Variants in SEC14L1 observed in about 807,000 individuals in gnomAD.
SEC14L1 encodes SEC14-like protein 1.
Under a neutral mutation model 85.3 loss-of-function variants are expected in SEC14L1, and 48 were observed. The ratio of observed to expected loss-of-function variants is 0.56; its 90% confidence interval spans 0.45 to 0.72. SEC14L1 has a LOEUF of 0.72. Ranked by LOEUF, SEC14L1 falls within the 30% of genes least tolerant of loss-of-function variation. The probability of loss-of-function intolerance (pLI) is 0.00; values close to 1 mark genes in which losing one functional copy is unlikely to be tolerated. For missense variants in SEC14L1, 682 were observed against 921.4 expected, an observed-to-expected ratio of 0.74 and a Z score of 3.36; for synonymous variants, 391 against 355.5, an observed-to-expected ratio of 1.10 and a Z score of -1.12.
chr17:77,094,760 C>A (rs1971600224), intron 3 of SEC14L1: 1 of 152,312 alleles, frequency 6.6e-6, no homozygotes, highest in South Asian at 2.1e-4. Flanking sequence ...GCCACTGCGC[C>A]CAGCCAGGCT....
intron 3 of SEC14L1, among the ~76,000 whole-genome samples, chr17:77,123,250 C>T (rs982857151): frequency 6.6e-5 from 10 of 151,476 alleles, no homozygotes; most frequent in African/African-American, 2.2e-4. Flanking sequence ...GGGGATTCAC[C>T]ATGTTGGCCA....
chr17:77,101,383 G>A (rs917626622), intron 3 of SEC14L1, among the ~76,000 whole-genome samples: 2 of 151,994 alleles, frequency 1.3e-5, no homozygotes, highest in African/African-American at 4.8e-5. Flanking sequence ...TCACCATGTT[G>A]GCCAGGCTGG....
intron 3 of SEC14L1, among the ~76,000 whole-genome samples, chr17:77,181,696 G>A (rs921591370): frequency 6.6e-6 from 1 of 152,162 alleles, no homozygotes; most frequent in Non-Finnish European, 1.5e-5. Context: ...GGTTACAGGC[G>A]TGAGCCACCC....
At position 77,179,978 on chromosome 17, in the gene SEC14L1, A is replaced by G. The variant is rs113414298; in HGVS notation, c.64-10825A>G. 5.7e-3 allele frequency among the ~76,000 whole-genome samples: 841 copies of G among 148,818 alleles called. 5 individuals carry two copies. The highest frequency in any genetic ancestry group is 9.8e-3 in the Non-Finnish European group (654 of 67,036). On this transcript the variant is annotated intron_variant, in intron 3 of 16. Transcript: ENST00000436233. ...AGGCATGAGCCGCCGCGCCTGGCCT[A>G]CGTATTTGTTTTTAGGTTTTTATTT...
chr17:77,117,580 G>T (rs1055436758), intron 3 of SEC14L1, among the ~76,000 whole-genome samples: 28 of 152,176 alleles, frequency 1.8e-4, no homozygotes, highest in Admixed American at 1.6e-3. Flanking sequence ...TCAACTCTTA[G>T]ATGAGAATTT....
rs200634368 is a variant in SEC14L1 at position 77,200,444 on chromosome 17, A to G, written c.820-40A>G. The stretch of plus-strand genomic sequence containing the variant: ...GCAGCCTCCCAAAGTTCCCTTCACA[A>G]CTTTTAACATTGCTTAGAAATGTCT... On this transcript the variant is annotated intron_variant, in intron 8 of 16. Coordinates refer to ENST00000436233, the MANE Select transcript of SEC14L1 (RefSeq NM_001143998.2). 15 of 1,575,928 alleles carry G rather than the reference A, an allele frequency of 9.5e-6. No individual in the cohort carries two copies. The Admixed American group carries it at 1.4e-4, about 14-fold the overall frequency.
At position 77,190,948 on chromosome 17, in the gene SEC14L1, AG is replaced by A; in HGVS notation, c.210del (p.Lys71ArgfsTer16). 6.2e-7 allele frequency: 1 copy of A among 1,614,122 alleles called. No homozygotes were observed. Among genetic ancestry groups the A allele is most frequent in the Non-Finnish European group, 8.5e-7 (1 of 1,180,014 alleles). ...GATGTAGATGCACCCAGACTGCTGAAGAAGGTAAAGGTCGGAAAGGACGTCT... is the reference window on the plus strand; with the variant it reads ...GATGTAGATGCACCCAGACTGCTGAAAAGGTAAAGGTCGGAAAGGACGTCT... ...KLDVDAPRLL[K>X]KIAGVDYVYF... On this transcript the variant is annotated frameshift_variant, in exon 4 of 17. Transcript: ENST00000436233. LOFTEE classifies it high-confidence loss of function.
At position 77,194,729 on chromosome 17, in the gene SEC14L1, C is replaced by G. The variant is rs747124708; in HGVS notation, c.527C>G (p.Thr176Ser). Reference protein sequence around the residue: ...YLRQLEEEGITFVPRWSPPSI... With the variant: ...YLRQLEEEGISFVPRWSPPSI... ...CGCCAATTAGAAGAAGAAGGCATAA[C>G]CTTTGTGCCCCGTTGGAGTCCGCCT... The change falls in exon 7 of 17, where the codon ACC becomes AGC. Residue 176 changes from threonine (T) to serine (S), a missense_variant. Thr to Ser is a moderately conservative substitution (Grantham distance 58, BLOSUM62 1). Around this residue, in one of 3 missense-constraint regions of SEC14L1, gnomAD observed 123 missense variants for 100.6 expected, o/e 1.22. Transcript: ENST00000436233. The G allele has an allele frequency of 3.7e-6, 6 of 1,614,178 alleles. No homozygotes were observed. The highest frequency in any genetic ancestry group is 5.1e-6 in the Non-Finnish European group (6 of 1,180,008).
At position 77,205,337 on chromosome 17, in the gene SEC14L1, G is replaced by A. The variant is rs1359744783; in HGVS notation, c.1160G>A (p.Arg387Gln). The A allele has an allele frequency of 5.0e-6, 8 of 1,613,728 alleles. No homozygotes were observed. The highest frequency in any genetic ancestry group is 6.8e-6 in the Non-Finnish European group (8 of 1,179,804). ...RCEENTKVFG[R>Q]PISSWTCLVD... Reference sequence around the variant, plus strand: ...GAAGAGAATACAAAAGTCTTTGGTCGGCCTATCAGGTAGATGTGGGATTTT... The same window carrying A: ...GAAGAGAATACAAAAGTCTTTGGTCAGCCTATCAGGTAGATGTGGGATTTT... Residue 387 changes from arginine to glutamine, a missense_variant, in exon 11 of 17, where the codon CGG (arginine) becomes CAG (glutamine). Coordinates refer to ENST00000436233, the MANE Select transcript of SEC14L1 (RefSeq NM_001143998.2).
chr17:77,121,916 T>C (rs1305919312), intron 3 of SEC14L1, among the ~76,000 whole-genome samples: 1 of 152,164 alleles, frequency 6.6e-6, no homozygotes, highest in Admixed American at 6.6e-5. Flanking sequence ...CTTCCAACTC[T>C]CAGGGCCCAG....
chr17:77,171,817 T>C (rs780769585), intron 3 of SEC14L1, among the ~76,000 whole-genome samples: 6 of 152,240 alleles, frequency 3.9e-5, no homozygotes, highest in African/African-American at 7.2e-5. Context: ...GTACCCGTTA[T>C]GCCTTTTTTC....
At chr17:77,100,341 T>C (rs1971742017) in intron 3 of SEC14L1, among the ~76,000 whole-genome samples, 1 of 151,822 alleles carries the variant, frequency 6.6e-6, no homozygotes, top group Non-Finnish European at 1.5e-5. Context: ...CTGCAGTGTG[T>C]GCATTCTGTA....
At chr17:77,197,005 G>A (rs1975846373) in intron 8 of SEC14L1, among the ~76,000 whole-genome samples, 1 of 152,188 alleles carries the variant, frequency 6.6e-6, no homozygotes, top group Admixed American at 6.5e-5. Flanking sequence ...TTACACGTGA[G>A]GAAACTGAGG....
intron 3 of SEC14L1, among the ~76,000 whole-genome samples, chr17:77,172,581 C>G (rs966334617): frequency 6.6e-6 from 1 of 152,182 alleles, no homozygotes; most frequent in Admixed American, 6.5e-5. Flanking sequence ...GAGCGTCTCT[C>G]AAAAGCTGCT....
chr17:77,143,501 G>A, intron 2 of SEC14L1, 66 bp from the exon 3 acceptor site: 1 of 912,668 alleles, frequency 1.1e-6, no homozygotes, highest in Non-Finnish European at 1.8e-6. Context: ...TGATGTGTCA[G>A]TGCAGACTTA....
At chr17:77,197,690 A>G (rs905835372) in intron 8 of SEC14L1, among the ~76,000 whole-genome samples, 2 of 151,828 alleles carry the variant, frequency 1.3e-5, no homozygotes, top group African/African-American at 4.8e-5. Flanking sequence ...GGTCACTACA[A>G]TCTCTGTCTC....
chr17:77,089,475 TATG>T (rs1567862886), intron 2 of SEC14L1: 1 of 518,560 alleles, frequency 1.9e-6, no homozygotes, highest in South Asian at 1.4e-5. Flanking sequence ...GATGATCATG[TATG>T]ATACTGCAAA....
chr17:77,193,181 C>CT (rs1243178312), intron 5 of SEC14L1, among the ~76,000 whole-genome samples: 1 of 152,168 alleles, frequency 6.6e-6, no homozygotes, highest in African/African-American at 2.4e-5. Flanking sequence ...TGAAGCTCTC[C>CT]TTTTATAGTC....
chr17:77,204,056 A>AT (rs779912252), intron 10 of SEC14L1, among the ~76,000 whole-genome samples: 3 of 152,050 alleles, frequency 2.0e-5, no homozygotes, highest in Non-Finnish European at 4.4e-5. Flanking sequence ...CTGACCCATC[A>AT]TCTCGCTGAC....
Sources: allele counts gnomAD v4.1 joint callset (sites outside exome capture counted in the v4.1 genomes callset), GRCh38; gene constraint gnomAD v4.1.1; regional missense constraint gnomAD v4.1.1; transcripts MANE v1.5; gene names NCBI Gene and HGNC (gene_info 2026-07-23, HGNC 2026-07-21).